Variants in SBF2 observed in about 807,000 individuals in gnomAD.
SBF2 encodes the protein SET binding factor 2.
In SBF2, 112 loss-of-function variants were observed where a neutral mutation model predicts 225.2. That is an observed-to-expected ratio of 0.50 (90% CI 0.43 to 0.58). The LOEUF is 0.58. Ranked by LOEUF, SBF2 falls within the 20% of genes least tolerant of loss-of-function variation. The pLI, the probability that SBF2 is intolerant of heterozygous loss-of-function variation, is 0.00. For synonymous variants in SBF2, 763 were observed against 773.3 expected, an observed-to-expected ratio of 0.99 and a Z score of 0.22; for missense variants, 1,996 against 2,206.2, an observed-to-expected ratio of 0.90 and a Z score of 1.91.
At chr11:10,080,712 G>C (rs1020775449) in intron 2 of SBF2, among the ~76,000 whole-genome samples, 1 of 152,080 alleles carries the variant, frequency 6.6e-6, no homozygotes, top group Non-Finnish European at 1.5e-5. Context: ...TTCTGCTTAT[G>C]AGAAATTTGC....
chr11:10,154,440 A>G (rs569530680), intron 2 of SBF2, among the ~76,000 whole-genome samples: 14 of 152,212 alleles, frequency 9.2e-5, no homozygotes, highest in Non-Finnish European at 1.9e-4. Flanking sequence ...ATGTGTTGCT[A>G]AGTCAATCCT....
In SBF2 at chr11:10,070,091, T is replaced by G. The variant is rs1241989055; in HGVS notation, c.142-27110A>C. Among the ~76,000 whole-genome samples the G allele has an allele frequency of 2.0e-5, 3 of 152,324 alleles. 1 individual carries two copies. The Middle Eastern group carries it at 0.01, about 518-fold the overall frequency. On this transcript the variant is annotated intron_variant, in intron 2 of 39. Coordinates refer to ENST00000256190, the MANE Select transcript of SBF2 (RefSeq NM_030962.4). ...AGATGGGTAGACTGCAAAATTTTTC[T>G]CCCATTCTGTAGGTTGCCTGTTCAC...
At chr11:10,281,940 A>G (rs1963434478) in intron 1 of SBF2, among the ~76,000 whole-genome samples, 1 of 152,156 alleles carries the variant, frequency 6.6e-6, no homozygotes, top group African/African-American at 2.4e-5. Context: ...TCCATTTTCA[A>G]CAAGCCATGA....
At chr11:9,877,711 G>A (rs371048386) in intron 17 of SBF2, among the ~76,000 whole-genome samples, 33,241 of 151,850 alleles carry the variant, frequency 0.22, 4,290 homozygotes, top group Non-Finnish European at 0.28. Context: ...CCATGTCCCT[G>A]CAAATGACAT....
At chr11:10,196,694 T>C (rs933570741) in intron 1 of SBF2, among the ~76,000 whole-genome samples, 1 of 151,794 alleles carries the variant, frequency 6.6e-6, no homozygotes, top group Non-Finnish European at 1.5e-5. Flanking sequence ...TATTATCTTT[T>C]ACTAATTATA....
At chr11:10,126,170 C>T (rs1040910366) in intron 2 of SBF2, among the ~76,000 whole-genome samples, 3 of 152,096 alleles carry the variant, frequency 2.0e-5, no homozygotes, top group African/African-American at 7.2e-5. Context: ...GATTTAATAA[C>T]TGTGTATGTT....
intron 16 of SBF2, among the ~76,000 whole-genome samples, chr11:9,921,346 G>C (rs546947005): frequency 2.0e-5 from 3 of 152,002 alleles, no homozygotes; most frequent in Non-Finnish European, 4.4e-5. Context: ...CTGGGATTAC[G>C]GGCTTCAGCC....
intron 2 of SBF2, among the ~76,000 whole-genome samples, chr11:10,096,669 G>T (rs979232920): frequency 6.6e-6 from 1 of 151,986 alleles, no homozygotes; most frequent in African/African-American, 2.4e-5. Flanking sequence ...TCATACAAGC[G>T]GTGTCTTTTA....
At chr11:10,048,324 A>G (rs1285646235) in intron 2 of SBF2, among the ~76,000 whole-genome samples, 1 of 151,870 alleles carries the variant, frequency 6.6e-6, no homozygotes, top group Non-Finnish European at 1.5e-5. Flanking sequence ...AAGAGTCCCC[A>G]ATGTCAAAAT....
chr11:10,228,439 T>G (rs2135426090), intron 1 of SBF2, among the ~76,000 whole-genome samples: 1 of 152,344 alleles, frequency 6.6e-6, no homozygotes, highest in South Asian at 2.1e-4. Context: ...GCCCATTCAG[T>G]ATGATATTGG....
At chr11:10,251,734 G>A (rs1960376415) in intron 1 of SBF2, among the ~76,000 whole-genome samples, 1 of 152,134 alleles carries the variant, frequency 6.6e-6, no homozygotes, top group South Asian at 2.1e-4. Context: ...TTTGCATGCA[G>A]CCATACCTAG....
At chr11:10,269,788 G>A (rs1591340358) in intron 1 of SBF2, among the ~76,000 whole-genome samples, 2 of 152,192 alleles carry the variant, frequency 1.3e-5, no homozygotes, top group East Asian at 3.9e-4. Flanking sequence ...TAGAAATGGG[G>A]TCCCACTCTG....
chr11:10,087,296 C>T (rs1039093949), intron 2 of SBF2, among the ~76,000 whole-genome samples: 2 of 152,132 alleles, frequency 1.3e-5, no homozygotes, highest in African/African-American at 2.4e-5. Flanking sequence ...TATCCAGATA[C>T]AATTTAGACT....
chr11:10,200,729 T>G (rs556324322), intron 1 of SBF2, among the ~76,000 whole-genome samples: 1 of 152,160 alleles, frequency 6.6e-6, no homozygotes, highest in South Asian at 2.1e-4. Context: ...TACTACAAAA[T>G]GCAACCATTT....
intron 2 of SBF2, chr11:10,164,829 G>C (rs1008602783): frequency 6.6e-6 from 1 of 152,226 alleles, no homozygotes; most frequent in Non-Finnish European, 1.5e-5. Context: ...CTCACAGTCA[G>C]AGATCTCAAT....
chr11:10,118,752 G>C (rs967141528), intron 2 of SBF2, among the ~76,000 whole-genome samples: 1 of 151,690 alleles, frequency 6.6e-6, no homozygotes, highest in Non-Finnish European at 1.5e-5. Flanking sequence ...TTTCCCTAGA[G>C]GAATTTCAAA....
intron 1 of SBF2, among the ~76,000 whole-genome samples, chr11:10,205,200 T>C (rs1188301947): frequency 6.6e-6 from 1 of 151,920 alleles, no homozygotes; most frequent in African/African-American, 2.4e-5. Context: ...AATAAACAAA[T>C]AAATAAATAG....
intron 2 of SBF2, among the ~76,000 whole-genome samples, chr11:10,102,227 T>G (rs143109013): frequency 6.6e-6 from 1 of 152,342 alleles, no homozygotes; most frequent in East Asian, 1.9e-4. Flanking sequence ...GAGCATTAGA[T>G]TCTAGATAAG....
intron 23 of SBF2, among the ~76,000 whole-genome samples, 158 bp downstream of exon 23, chr11:9,846,798 A>G (rs573814939): frequency 6.6e-6 from 1 of 152,300 alleles, no homozygotes; most frequent in East Asian, 1.9e-4. Flanking sequence ...AAGACTATTC[A>G]TGAGTTTACT....
Sources: allele counts gnomAD v4.1 joint callset (sites outside exome capture counted in the v4.1 genomes callset), GRCh38; gene constraint gnomAD v4.1.1; transcripts MANE v1.5; gene names NCBI Gene and HGNC (gene_info 2026-07-23, HGNC 2026-07-21).